Variants in ANKFY1 observed in about 807,000 individuals in gnomAD.
The protein encoded by ANKFY1 is ankyrin repeat and FYVE domain-containing protein 1.
In ANKFY1, 47 loss-of-function variants were observed where a neutral mutation model predicts 128.3. The observed-to-expected ratio is 0.37, with a 90% CI of 0.29 to 0.47. The LOEUF is 0.47. Ranked by LOEUF, ANKFY1 falls within the 20% of genes least tolerant of loss-of-function variation. ANKFY1 has a pLI of 1.00. For missense variants in ANKFY1, 1,222 were observed against 1,510.6 expected, an observed-to-expected ratio of 0.81 and a Z score of 3.17; for synonymous variants, 553 against 601.6, an observed-to-expected ratio of 0.92 and a Z score of 1.18.
At chr17:4,205,538 C>T (rs565378880) in intron 7 of ANKFY1, among the ~76,000 whole-genome samples, 22 of 152,140 alleles carry the variant, frequency 1.4e-4, no homozygotes, top group East Asian at 3.9e-4. Context: ...GTCAGGAGAT[C>T]GAGACCATCC....
intron 10 of ANKFY1, chr17:4,194,720 G>A: frequency 2.1e-6 from 1 of 469,702 alleles, no homozygotes; most frequent in South Asian, 2.4e-5. Flanking sequence ...AGGAATTCTT[G>A]AGTCCAAAGA....
chr17:4,174,594 T>G (rs1049307358), intron 19 of ANKFY1, among the ~76,000 whole-genome samples: 1 of 152,152 alleles, frequency 6.6e-6, no homozygotes, highest in African/African-American at 2.4e-5. Context: ...ACAGAGGCAC[T>G]TGGAAGGTGT....
intron 12 of ANKFY1, 110 bp downstream of exon 12, chr17:4,184,708 G>C: frequency 8.1e-7 from 1 of 1,228,418 alleles, no homozygotes; most frequent in South Asian, 1.3e-5. Context: ...TTGGGGGTAA[G>C]AAACTAGCCA....
At chr17:4,245,558 T>C (rs987451004) in intron 1 of ANKFY1, among the ~76,000 whole-genome samples, 1 of 152,042 alleles carries the variant, frequency 6.6e-6, no homozygotes, top group African/African-American at 2.4e-5. Context: ...CAGGGCTACG[T>C]TGTCTTGCAC....
chr17:4,222,344 A>C, intron 3 of ANKFY1: 1 of 762,632 alleles, frequency 1.3e-6, no homozygotes, highest in Non-Finnish European at 2.4e-6. Context: ...GTGACAAATG[A>C]CCTTATTATT....
intron 16 of ANKFY1, 83 bp from the exon 17 acceptor site, chr17:4,179,960 C>G (rs1433611091): frequency 3.9e-6 from 6 of 1,545,048 alleles, no homozygotes; most frequent in East Asian, 2.2e-5. Flanking sequence ...AAAGCAGGAG[C>G]CTCATCCAAT....
intron 3 of ANKFY1, among the ~76,000 whole-genome samples, chr17:4,219,265 T>C (rs1019892223): frequency 6.6e-6 from 1 of 152,188 alleles, no homozygotes; most frequent in Non-Finnish European, 1.5e-5. Flanking sequence ...TTAGTCAGAA[T>C]AAGAAGAGTG....
chr17:4,258,394 G>A lies in ANKFY1; in HGVS notation c.10+5538C>T, dbSNP rs539012540. On this transcript the variant is annotated intron_variant, in intron 1 of 24. Coordinates refer to ENST00000341657, the MANE Select transcript of ANKFY1 (RefSeq NM_001330063.2). ...CAAAAAATTAGCCAGGCTTGGTGGC[G>A]GGCGCCTGTAGTCCCAGCTACTCGG... Among the ~76,000 whole-genome samples, 34 of 151,976 alleles carry A rather than the reference G, an allele frequency of 2.2e-4. No homozygotes were observed. The East Asian group carries it at 5.2e-3, about 23-fold the overall frequency.
intron 1 of ANKFY1, among the ~76,000 whole-genome samples, chr17:4,258,318 G>A (rs1490259356): frequency 6.6e-6 from 1 of 152,156 alleles, no homozygotes; most frequent in African/African-American, 2.4e-5. Context: ...GAGGTCAGGA[G>A]ATCAAGACCA....
chr17:4,186,257 G>A (rs766082696), intron 11 of ANKFY1: 2 of 152,412 alleles, frequency 1.3e-5, no homozygotes, highest in Non-Finnish European at 2.9e-5. Flanking sequence ...TGCATAAGGT[G>A]CCTGCCCTCA....
rs1394283238 is a variant in ANKFY1, at chr17:4,217,072, T to C, written c.369A>G (p.Thr123=). Residue 123 remains threonine, a synonymous_variant, in exon 4 of 25, where the codon ACA becomes ACG. Coordinates refer to ENST00000341657, the MANE Select transcript of ANKFY1 (RefSeq NM_001330063.2). ...CATCCTCTCTGAACTCCAGCTCATC[T>C]GTATAGATCCAGCGAAGCATTGTCA... The part of the protein sequence containing the change: ...VTMTMLRWIY[T]DELEFREDDV... 6 of 1,613,944 alleles carry C rather than the reference T, an allele frequency of 3.7e-6. No individual in the cohort carries two copies. In the Admixed American group the frequency reaches 1.0e-4, roughly 27 times the overall value.
chr17:4,233,399 G>A (rs964448064), intron 3 of ANKFY1, among the ~76,000 whole-genome samples: 6 of 151,278 alleles, frequency 4.0e-5, no homozygotes, highest in South Asian at 2.1e-4. Flanking sequence ...TCGAGATTTC[G>A]ATCACGTGGA....
intron 1 of ANKFY1, among the ~76,000 whole-genome samples, chr17:4,253,246 C>T (rs939588771): frequency 2.6e-5 from 4 of 152,058 alleles, no homozygotes; most frequent in Non-Finnish European, 4.4e-5. Flanking sequence ...AACAACAAAC[C>T]ATACTAGGCA....
intron 10 of ANKFY1, 125 bp from the exon 11 acceptor site, chr17:4,189,604 A>G: frequency 1.2e-6 from 1 of 821,360 alleles, no homozygotes; most frequent in South Asian, 1.7e-5. Flanking sequence ...GGCCCACACC[A>G]GACAGTAGGC....
chr17:4,214,990 A>G (rs1355370213), intron 4 of ANKFY1, among the ~76,000 whole-genome samples: 1 of 152,158 alleles, frequency 6.6e-6, no homozygotes, highest in Admixed American at 6.6e-5. Flanking sequence ...TACATTAATT[A>G]TCTCTTTAAA....
At chr17:4,249,136 T>C in intron 1 of ANKFY1, 1 of 985,136 alleles carries the variant, frequency 1.0e-6, no homozygotes, top group Non-Finnish European at 1.2e-6. Context: ...CCAAGAATGA[T>C]TTTTAGAACA....
intron 2 of ANKFY1, 83 bp from the exon 3 acceptor site, chr17:4,235,973 G>T: frequency 1.0e-6 from 1 of 962,536 alleles, no homozygotes; most frequent in Non-Finnish European, 1.6e-6. Context: ...ATAAACACAT[G>T]AGTATTCATC....
chr17:4,186,818 G>T (rs1435889245), intron 11 of ANKFY1: 1 of 993,228 alleles, frequency 1.0e-6, no homozygotes, highest in African/African-American at 1.7e-5. Context: ...TTATCTGCAA[G>T]GAAGAGACTC....
intron 3 of ANKFY1, chr17:4,223,634 T>C (rs2060366663): frequency 6.5e-7 from 1 of 1,534,838 alleles, no homozygotes; most frequent in Non-Finnish European, 9.0e-7. Flanking sequence ...CCAGACGCCC[T>C]ACATGGACAC....
Sources: allele counts gnomAD v4.1 joint callset (sites outside exome capture counted in the v4.1 genomes callset), GRCh38; gene constraint gnomAD v4.1.1; transcripts MANE v1.5; gene names NCBI Gene and HGNC (gene_info 2026-07-23, HGNC 2026-07-21).